Variants in EXOC4 observed in about 807,000 individuals in gnomAD.
EXOC4 encodes exocyst complex component 4.
In EXOC4, 71 loss-of-function variants were observed where a neutral mutation model predicts 107.2. The observed-to-expected ratio is 0.66, with a 90% CI of 0.55 to 0.81. The LOEUF is 0.81. EXOC4 is among the 30% of genes least tolerant of loss of function. EXOC4 has a pLI of 0.00. For synonymous variants in EXOC4, 456 were observed against 441.2 expected (o/e 1.03, Z -0.42); for missense variants, 1,108 against 1,189.6 (o/e 0.93, Z 1.01).
intron 7 of EXOC4, among the ~76,000 whole-genome samples, chr7:133,418,875 A>G (rs919783550): frequency 3.9e-5 from 6 of 152,230 alleles, no homozygotes; most frequent in African/African-American, 1.4e-4. Context: ...AAGCCTTTGT[A>G]TACGGTAAGC....
Position 134,064,586 on chromosome 7 carries a change from G to C in EXOC4, c.*58G>C. 1 of 1,193,440 alleles carries C rather than the reference G, an allele frequency of 8.4e-7. No homozygotes were observed. Among genetic ancestry groups the C allele is most frequent in the Non-Finnish European group, 1.2e-6 (1 of 843,676 alleles). 73.9% of individuals were successfully genotyped at this position (1,193,440 alleles called of 1,614,324 possible). A position where few individuals can be genotyped will look rare whatever the true frequency, so the allele number is the denominator to read the frequency against. On this transcript the variant is annotated 3_prime_UTR_variant, in exon 18 of 18. Coordinates refer to ENST00000253861, the MANE Select transcript of EXOC4 (RefSeq NM_021807.4). Reference sequence around the variant, plus strand: ...CTCAGTCACACTCACTTTTTTCCTTGGTATGTTATTGAGTATATTCTGAGC... The same window carrying C: ...CTCAGTCACACTCACTTTTTTCCTTCGTATGTTATTGAGTATATTCTGAGC...
chr7:133,559,705 C>A (rs1434346579), intron 9 of EXOC4, among the ~76,000 whole-genome samples: 1 of 152,182 alleles, frequency 6.6e-6, no homozygotes, highest in Non-Finnish European at 1.5e-5. Flanking sequence ...CATCAGGTTT[C>A]ATTCTCTTTC....
At chr7:133,529,067 T>C (rs909250498) in intron 9 of EXOC4, among the ~76,000 whole-genome samples, 1 of 152,142 alleles carries the variant, frequency 6.6e-6, no homozygotes, top group Admixed American at 6.6e-5. Context: ...ATGTTTTGCT[T>C]CCTGAGATCT....
At chr7:133,979,340 C>T (rs986854317) in intron 14 of EXOC4, among the ~76,000 whole-genome samples, 3 of 152,020 alleles carry the variant, frequency 2.0e-5, no homozygotes, top group African/African-American at 7.3e-5. Context: ...AATCTTCTTC[C>T]CTTCTCATAG....
At chr7:133,348,282 C>T (rs1563029348) in intron 5 of EXOC4, among the ~76,000 whole-genome samples, 1 of 152,080 alleles carries the variant, frequency 6.6e-6, no homozygotes, top group Non-Finnish European at 1.5e-5. Flanking sequence ...AGTGTTTATG[C>T]TCTAGGAGAT....
chr7:133,594,491 G>GCCTTTTTTTT (rs1801618031), intron 9 of EXOC4, among the ~76,000 whole-genome samples: 1 of 23,680 alleles, frequency 4.2e-5, no homozygotes, highest in Non-Finnish European at 7.6e-5. Flanking sequence ...ATAAGCTTGA[G>GCCTTTTTTTT]TCTTTTTTTT....
At chr7:133,451,027 C>G (rs1798333292) in intron 7 of EXOC4, among the ~76,000 whole-genome samples, 1 of 152,194 alleles carries the variant, frequency 6.6e-6, no homozygotes. Context: ...TTGGAGAATA[C>G]AGACAGTGCA....
At chr7:133,545,477 C>T (rs1320267064) in intron 9 of EXOC4, among the ~76,000 whole-genome samples, 1 of 152,030 alleles carries the variant, frequency 6.6e-6, no homozygotes, top group South Asian at 2.1e-4. Context: ...TAGGTTCTTT[C>T]CCTTTTCCCA....
chr7:133,826,543 C>A (rs956568943), intron 11 of EXOC4, among the ~76,000 whole-genome samples: 1 of 152,080 alleles, frequency 6.6e-6, no homozygotes, highest in African/African-American at 2.4e-5. Context: ...ATGAGAAGTA[C>A]TATGGTATCA....
chr7:133,858,279 G>A (rs1164209336), intron 11 of EXOC4, among the ~76,000 whole-genome samples: 1 of 152,184 alleles, frequency 6.6e-6, no homozygotes, highest in Non-Finnish European at 1.5e-5. Context: ...CAGCAGAGAG[G>A]AGACCCAAAG....
chr7:133,492,218 T>C (rs1799385607), intron 9 of EXOC4, among the ~76,000 whole-genome samples: 1 of 152,146 alleles, frequency 6.6e-6, no homozygotes, highest in Admixed American at 6.5e-5. Flanking sequence ...GAAGAATTCT[T>C]AGGTGAGGTG....
chr7:133,868,341 GAGA>G (rs1399784146), intron 11 of EXOC4, among the ~76,000 whole-genome samples: 1 of 152,206 alleles, frequency 6.6e-6, no homozygotes, highest in Non-Finnish European at 1.5e-5. Flanking sequence ...GAAACCAAAT[GAGA>G]AGAGGGTAGA....
chr7:133,656,215 G>A (rs189364330), intron 10 of EXOC4, among the ~76,000 whole-genome samples: 1 of 152,248 alleles, frequency 6.6e-6, no homozygotes, highest in African/African-American at 2.4e-5. Flanking sequence ...AATTATTAAG[G>A]TTTAAATTTG....
intron 7 of EXOC4, among the ~76,000 whole-genome samples, chr7:133,467,756 T>TG (rs143099031): frequency 0.047 from 7,173 of 152,086 alleles, 554 homozygotes; most frequent in African/African-American, 0.16. Flanking sequence ...CTTCATTTTT[T>TG]TTTGTTTGTT....
At chr7:133,971,359 T>TAGAG (rs1413957280) in intron 14 of EXOC4, among the ~76,000 whole-genome samples, 23 of 96,718 alleles carry the variant, frequency 2.4e-4, no homozygotes, top group East Asian at 6.7e-4. Flanking sequence ...TATATATATA[T>TAGAG]ATAGAGAGAG....
intron 9 of EXOC4, among the ~76,000 whole-genome samples, chr7:133,584,489 T>C (rs955909142): frequency 1.3e-5 from 2 of 152,136 alleles, no homozygotes; most frequent in Non-Finnish European, 2.9e-5. Flanking sequence ...GCTTTTTTCC[T>C]GTGCAGTACC....
the EXOC4 span, among the ~76,000 whole-genome samples, chr7:134,078,317 CTATA>C: frequency 6.6e-6 from 1 of 151,048 alleles, no homozygotes; most frequent in Non-Finnish European, 1.5e-5. Flanking sequence ...TAATAGTTAA[CTATA>C]TATAATATTA....
chr7:134,066,472 G>C (rs1395597586), downstream of EXOC4: 1 of 152,212 alleles, frequency 6.6e-6, no homozygotes, highest in South Asian at 2.1e-4. Context: ...TCTCTGCTTT[G>C]CTTACAATGA....
intron 10 of EXOC4, among the ~76,000 whole-genome samples, chr7:133,684,796 G>T (rs893592747): frequency 6.6e-6 from 1 of 152,178 alleles, no homozygotes; most frequent in Non-Finnish European, 1.5e-5. Flanking sequence ...TGGGGCATTT[G>T]TCAGCCTCAG....
Sources: allele counts gnomAD v4.1 joint callset (sites outside exome capture counted in the v4.1 genomes callset), GRCh38; gene constraint gnomAD v4.1.1; transcripts MANE v1.5; gene names NCBI Gene and HGNC (gene_info 2026-07-23, HGNC 2026-07-21).